The following AQR variants were observed in gnomAD, a reference collection of about 807,000 sequenced individuals.
The protein encoded by AQR is aquarius intron-binding spliceosomal factor.
Under a neutral mutation model 180.5 loss-of-function variants are expected in AQR, and 61 were observed. That is an observed-to-expected ratio of 0.34 (90% CI 0.28 to 0.42). The LOEUF is 0.42. AQR is among the 10% of genes least tolerant of loss of function. The pLI, the probability that AQR is intolerant of heterozygous loss-of-function variation, is 1.00. For synonymous variants in AQR, 551 were observed against 588.8 expected, an observed-to-expected ratio of 0.94 and a Z score of 0.93; for missense variants, 1,281 against 1,798.3, an observed-to-expected ratio of 0.71 and a Z score of 5.20.
chr15:34,968,133 GC>G (rs2050320902), intron 1 of AQR, among the ~76,000 whole-genome samples: 1 of 151,768 alleles, frequency 6.6e-6, no homozygotes, highest in Non-Finnish European at 1.5e-5. Flanking sequence ...AGGACAGCCA[GC>G]CTTAGTGTAG....
At chr15:34,927,449 C>T (rs922616981) in intron 12 of AQR, among the ~76,000 whole-genome samples, 2 of 152,140 alleles carry the variant, frequency 1.3e-5, no homozygotes, top group African/African-American at 4.8e-5. Context: ...AAAACAAATA[C>T]ACACTTGATT....
chr15:34,900,914 T>A, intron 19 of AQR, 51 bp from the exon 20 acceptor site: 2 of 1,529,494 alleles, frequency 1.3e-6, no homozygotes, highest in Non-Finnish European at 1.8e-6. Context: ...ATCTCCAACA[T>A]TTGCACTTAC....
chr15:34,902,470 G>A (rs970205605), intron 19 of AQR, among the ~76,000 whole-genome samples: 1 of 151,990 alleles, frequency 6.6e-6, no homozygotes. Context: ...CTCTTTCTTG[G>A]ATCAGAAACT....
At chr15:34,957,733 AT>A (rs67611999) in intron 3 of AQR, among the ~76,000 whole-genome samples, 30 of 149,998 alleles carry the variant, frequency 2.0e-4, no homozygotes, top group Middle Eastern at 3.4e-3. Flanking sequence ...AAAAATAATA[AT>A]AATAATAATA....
intron 13 of AQR, 80 bp from the exon 14 acceptor site, chr15:34,920,514 TA>T: frequency 9.4e-7 from 1 of 1,065,114 alleles, no homozygotes; most frequent in Non-Finnish European, 1.4e-6. Context: ...ACAAATAGCT[TA>T]AAAAAGCAAA....
rs1183275490 is a variant in AQR, at chr15:34,893,845, G to A, written c.2461-72C>T. 5.4e-6 allele frequency: 7 copies of A among 1,293,610 alleles called. No homozygotes were observed. In the East Asian group the frequency reaches 9.3e-5, roughly 17 times the overall value. 80.1% of individuals were successfully genotyped at this position (1,293,610 alleles called of 1,614,324 possible). ...ATCACACATTGTTAGAAAACGTGAA[G>A]TACAGACCTGAAAGATAAAATTAAC... On this transcript the variant is annotated intron_variant, in intron 22 of 34. Coordinates refer to ENST00000156471, the MANE Select transcript of AQR (RefSeq NM_014691.3).
intron 4 of AQR, among the ~76,000 whole-genome samples, chr15:34,951,799 A>G (rs960269961): frequency 6.6e-6 from 1 of 151,992 alleles, no homozygotes; most frequent in African/African-American, 2.4e-5. Context: ...GCATATTGGT[A>G]GCCTCTTGAT....
rs1892584306 is a variant in AQR, at chr15:34,856,231, A to G, written c.*561T>C. On this transcript the variant is annotated 3_prime_UTR_variant, in exon 35 of 35. Transcript: ENST00000156471. ...TGCCTCAAGAATAAACAGACATCTT[A>G]GGTGATTCTAAGGCATTCTAAGATT... The G allele has an allele frequency of 4.2e-6, 1 of 236,620 alleles. No individual in the cohort carries two copies. Among genetic ancestry groups the G allele is most frequent in the Non-Finnish European group, 8.0e-6 (1 of 124,338 alleles). The allele number at this position is 236,620 out of a possible 1,614,324, so 14.7% of individuals were successfully genotyped here. A position where few individuals can be genotyped will look rare whatever the true frequency, so the allele number is the denominator to read the frequency against.
chr15:34,899,039 G>A (rs530463755), intron 20 of AQR, among the ~76,000 whole-genome samples: 2 of 151,532 alleles, frequency 1.3e-5, no homozygotes, highest in African/African-American at 2.4e-5. Flanking sequence ...GCGTGGTGGC[G>A]GGCGCCTGCA....
At chr15:34,878,676 T>G (rs183141246) in intron 27 of AQR, among the ~76,000 whole-genome samples, 1 of 152,290 alleles carries the variant, frequency 6.6e-6, no homozygotes, top group Admixed American at 6.5e-5. Flanking sequence ...ATGATCAACA[T>G]TGAATTAATA....
chr15:34,860,854 C>A (rs148278768), intron 33 of AQR, among the ~76,000 whole-genome samples: 1 of 152,214 alleles, frequency 6.6e-6, no homozygotes, highest in East Asian at 1.9e-4. Context: ...TAGGCTCCAG[C>A]CCTATAGATT....
rs1465632649 is a variant in AQR, at chr15:34,853,130, T to C, written c.*3662A>G. The C allele has an allele frequency of 6.6e-6, 1 of 152,222 alleles. No homozygotes were observed. Among genetic ancestry groups the C allele is most frequent in the African/African-American group, 2.4e-5 (1 of 41,466 alleles). The allele number at this position is 152,222 out of a possible 1,614,324, so 9.4% of individuals were successfully genotyped here. On this transcript the variant is annotated 3_prime_UTR_variant, in exon 35 of 35. Coordinates refer to ENST00000156471, the MANE Select transcript of AQR (RefSeq NM_014691.3). ...TTGGCTCAGTACAGCTCCAGTTCCATTATTCTTAAACATCTATTAACATGA... is the reference window on the plus strand; with the variant it reads ...TTGGCTCAGTACAGCTCCAGTTCCACTATTCTTAAACATCTATTAACATGA...
intron 17 of AQR, among the ~76,000 whole-genome samples, chr15:34,907,418 A>C (rs755610417): frequency 6.6e-6 from 1 of 152,256 alleles, no homozygotes; most frequent in Admixed American, 6.5e-5. Context: ...TAGACCTCAC[A>C]GCATGTAATG....
At chr15:34,881,799 GT>G (rs200008371) in intron 27 of AQR, among the ~76,000 whole-genome samples, 2 of 150,692 alleles carry the variant, frequency 1.3e-5, no homozygotes, top group Non-Finnish European at 3.0e-5. Flanking sequence ...AAACCACTTT[GT>G]TTTTTTTTGT....
chr15:34,857,142 A>G, intron 34 of AQR, 36 bp from the exon 35 acceptor site: 7 of 1,507,330 alleles, frequency 4.6e-6, no homozygotes, highest in Non-Finnish European at 6.2e-6. Flanking sequence ...CAATACCAAT[A>G]TGAAAAACAG....
intron 5 of AQR, among the ~76,000 whole-genome samples, chr15:34,946,707 G>A (rs1595807072): frequency 1.5e-5 from 2 of 136,212 alleles, no homozygotes; most frequent in South Asian, 2.4e-4. Context: ...GAGGGAGGTG[G>A]GGGGGTCAGC....
intron 3 of AQR, among the ~76,000 whole-genome samples, chr15:34,955,530 C>T (rs1314955538): frequency 6.6e-6 from 1 of 152,100 alleles, no homozygotes; most frequent in Admixed American, 6.6e-5. Context: ...TTGACAAGGG[C>T]CTTGACATTA....
chr15:34,969,607 C>T lies in AQR; in HGVS notation c.7G>A (p.Ala3Thr). 1.2e-6 allele frequency: 2 copies of T among 1,613,326 alleles called. No homozygotes were observed. Among genetic ancestry groups the T allele is most frequent in the South Asian group, 2.2e-5 (2 of 91,074 alleles). The change falls in exon 1 of 35, where the codon GCC becomes ACC. Residue 3 changes from alanine (A) to threonine (T), a missense_variant. This residue lies in a region of AQR where 404 missense variants were observed against 490.9 expected (regional missense o/e 0.82). Coordinates refer to ENST00000156471, the MANE Select transcript of AQR (RefSeq NM_014691.3). ...ACGATCTTCTTGGGCTGCGCAGGGGCTGCCATGGCAGCACTCTTCCCTCCA... is the reference window on the plus strand; with the variant it reads ...ACGATCTTCTTGGGCTGCGCAGGGGTTGCCATGGCAGCACTCTTCCCTCCA... MAAPAQPKKIVAP... is the reference protein window; with the variant it reads MATPAQPKKIVAP...
intron 4 of AQR, among the ~76,000 whole-genome samples, chr15:34,951,826 G>C (rs1276727391): frequency 2.6e-5 from 4 of 152,024 alleles, no homozygotes; most frequent in Non-Finnish European, 5.9e-5. Flanking sequence ...CTGTCTTCTT[G>C]AAAGGAGGCA....
Sources: gnomAD v4.1 joint callset for allele counts (sites outside exome capture counted in the v4.1 genomes callset) on GRCh38, gnomAD v4.1.1 for gene constraint, gnomAD v4.1.1 regional missense constraint, MANE v1.5 for transcripts, NCBI Gene and HGNC (gene_info 2026-07-23, HGNC 2026-07-21) for gene names.